Variants in PFKP observed in about 807,000 individuals in gnomAD.
PFKP encodes ATP-dependent 6-phosphofructokinase, platelet type.
Under a neutral mutation model 94.3 loss-of-function variants are expected in PFKP, and 101 were observed. The observed-to-expected ratio is 1.07, with a 90% CI of 0.91 to 1.26. PFKP has a LOEUF of 1.26. Among genes scored for constraint, PFKP ranks in the 50% most tolerant of loss-of-function variants. PFKP has a pLI of 0.00. For synonymous variants in PFKP, 573 were observed against 432.6 expected (o/e 1.32, Z -4.03); for missense variants, 1,145 against 1,103.3 (o/e 1.04, Z -0.53).
At chr10:3,128,213 C>G (rs1838166837) in intron 16 of PFKP, among the ~76,000 whole-genome samples, 1 of 152,188 alleles carries the variant, frequency 6.6e-6, no homozygotes, top group East Asian at 1.9e-4. Context: ...CTGGTGTAAG[C>G]CCAGCCCACA....
intron 4 of PFKP, among the ~76,000 whole-genome samples, chr10:3,102,834 C>T (rs1397222485): frequency 5.3e-5 from 8 of 152,248 alleles, no homozygotes; most frequent in East Asian, 1.9e-4. Context: ...TGAACATCCT[C>T]GTAGGGGATG....
chr10:3,069,180 CCCCGCCCCGCAG>C (rs922396869), intron 1 of PFKP: 5 of 1,208,606 alleles, frequency 4.1e-6, no homozygotes, highest in Admixed American at 8.3e-5. Context: ...CAGCGCCAGG[CCCCGCCCCGCAG>C]CCCGCCCTGC....
At chr10:3,071,350 A>G (rs924451411) in intron 1 of PFKP, among the ~76,000 whole-genome samples, 1 of 150,044 alleles carries the variant, frequency 6.7e-6, no homozygotes, top group African/African-American at 2.5e-5. Flanking sequence ...TTGAATGAAG[A>G]AAGTATTTCT....
intron 2 of PFKP, among the ~76,000 whole-genome samples, 165 bp downstream of exon 2, chr10:3,082,626 C>T (rs1181713267): frequency 6.6e-6 from 1 of 152,218 alleles, no homozygotes; most frequent in Non-Finnish European, 1.5e-5. Flanking sequence ...CCCACAGAAG[C>T]CCCTGGTCTG....
At position 3,112,425 on chromosome 10, in the gene PFKP, C is replaced by T. The variant is rs369041404; in HGVS notation, c.1154+139C>T. The T allele has an allele frequency of 6.0e-5, 43 of 714,222 alleles. No homozygotes were observed. In the African/African-American group the frequency reaches 6.6e-4, roughly 11 times the overall value. The allele number at this position is 714,222 out of a possible 1,614,324, so 44.2% of individuals were successfully genotyped here. A position where few individuals can be genotyped will look rare whatever the true frequency, so the allele number is the denominator to read the frequency against. ...AAGTCAGGCAGTACTCACAGCACCG[C>T]TCTTGCAGTAGCAGGCCCTGGTGAC... On this transcript the variant is annotated intron_variant, in intron 11 of 21. Coordinates refer to ENST00000381125, the MANE Select transcript of PFKP (RefSeq NM_002627.5).
chr10:3,104,382 A>G (rs892463812), intron 5 of PFKP, among the ~76,000 whole-genome samples: 1 of 152,218 alleles, frequency 6.6e-6, no homozygotes, highest in Non-Finnish European at 1.5e-5. Context: ...TCAGCAGGTT[A>G]TCACTAAAGA....
chr10:3,070,086 C>T (rs1832071810), intron 1 of PFKP, among the ~76,000 whole-genome samples: 1 of 152,262 alleles, frequency 6.6e-6, no homozygotes, highest in African/African-American at 2.4e-5. Context: ...CCACATGGGT[C>T]ACACCTGGGC....
At chr10:3,107,946 G>A in intron 8 of PFKP, 1 of 1,289,680 alleles carries the variant, frequency 7.8e-7, no homozygotes, top group Non-Finnish European at 1.0e-6. Context: ...GCAGCCACGG[G>A]GCAGAAGACG....
Position 3,120,372 on chromosome 10 carries a change from TGTGTG to T in PFKP, c.1683+329_1683+333del, listed in dbSNP as rs1564336720. On this transcript the variant is annotated intron_variant, in intron 16 of 21. Transcript: ENST00000381125. ...ATTGTACCAGCATTAAAAATCGCTG[TGTGTG>T]TGTGTGTGTGTGTGTGTGTGTGCTG... Among the ~76,000 whole-genome samples, 617 of 125,894 alleles carry T rather than the reference TGTGTG, an allele frequency of 4.9e-3. 4 individuals carry two copies. The highest frequency in any genetic ancestry group is 0.016 in the African/African-American group (507 of 31,914). The allele number at this position is 125,894 out of a possible 152,430, so 82.6% of individuals were successfully genotyped here. A position where few individuals can be genotyped will look rare whatever the true frequency, so the allele number is the denominator to read the frequency against.
chr10:3,103,749 G>A (rs771932993), intron 4 of PFKP, 30 bp from the exon 5 acceptor site: 17 of 1,611,942 alleles, frequency 1.1e-5, no homozygotes, highest in Middle Eastern at 1.7e-4. Flanking sequence ...TGGTTACGGC[G>A]ATGAGACGTG....
At chr10:3,118,190 T>A (rs1397955672) in intron 14 of PFKP, among the ~76,000 whole-genome samples, 1 of 152,186 alleles carries the variant, frequency 6.6e-6, no homozygotes, top group African/African-American at 2.4e-5. Context: ...AAACAATTAT[T>A]GGGCACGGCG....
intron 2 of PFKP, among the ~76,000 whole-genome samples, chr10:3,084,850 C>A (rs1182052415): frequency 1.4e-5 from 2 of 145,752 alleles, no homozygotes; most frequent in African/African-American, 2.5e-5. Flanking sequence ...TCCTCCACCC[C>A]CTCCCCAGCA....
rs993980849 is a variant in PFKP at position 3,067,810 on chromosome 10, T to TG, written c.112+110dup. On this transcript the variant is annotated intron_variant, in intron 1 of 21. Transcript: ENST00000381125. ...ACCGGAGAGAAGAGGGGGGAAGCGA[T>TG]GGGGGGGACCCGGGGAAAGGTGGCG... 3.4e-4 allele frequency: 80 copies of TG among 233,798 alleles called. 1 individual carries two copies. The highest frequency in any genetic ancestry group is 1.2e-4 in the Non-Finnish European group (16 of 134,584). The allele number at this position is 233,798 out of a possible 1,614,324, so 14.5% of individuals were successfully genotyped here. A position where few individuals can be genotyped will look rare whatever the true frequency, so the allele number is the denominator to read the frequency against.
intron 3 of PFKP, chr10:3,100,801 G>GAC: frequency 1.7e-6 from 1 of 594,792 alleles, no homozygotes; most frequent in East Asian, 2.7e-5. Flanking sequence ...TGGAAGTTTG[G>GAC]ATGAAAGAAT....
intron 1 of PFKP, among the ~76,000 whole-genome samples, chr10:3,074,486 G>C (rs980646566): frequency 6.6e-6 from 1 of 152,202 alleles, no homozygotes; most frequent in South Asian, 2.1e-4. Flanking sequence ...TTTGTGGAGA[G>C]GAGAGGAGGG....
Position 3,136,687 on chromosome 10 carries a change from A to G in PFKP, c.*108A>G. ...CACGTATTATTGACATTAATACCTA[A>G]TCGGCGAGTGCCCATCTGCCCCACC... is the stretch of plus-strand genomic sequence containing the variant. On this transcript the variant is annotated 3_prime_UTR_variant, in exon 22 of 22. Transcript: ENST00000381125. 8.1e-7 allele frequency: 1 copy of G among 1,237,766 alleles called. No homozygotes were observed. Among genetic ancestry groups the G allele is most frequent in the Non-Finnish European group, 1.1e-6 (1 of 885,606 alleles). The allele number at this position is 1,237,766 out of a possible 1,614,324, so 76.7% of individuals were successfully genotyped here.
Position 3,135,760 on chromosome 10 carries a change from CCA to C in PFKP, c.2148_2149del (p.Ile717LeufsTer25). 1 of 1,611,966 alleles carries C rather than the reference CCA, an allele frequency of 6.2e-7. No individual in the cohort carries two copies. The highest frequency in any genetic ancestry group is 8.5e-7 in the Non-Finnish European group (1 of 1,178,290). On this transcript the variant is annotated frameshift_variant, in exon 21 of 22. Transcript: ENST00000381125. LOFTEE classifies it high-confidence loss of function. ...GGAAAAAAATTTACCACCGATGATT[CCA>C]TTTGTGTGCTGGGAATAAGCAAAAG...
At chr10:3,094,624 A>G (rs1463549413) in intron 2 of PFKP, among the ~76,000 whole-genome samples, 1 of 152,094 alleles carries the variant, frequency 6.6e-6, no homozygotes, top group African/African-American at 2.4e-5. Context: ...AATTTCCTAG[A>G]GACAGGATAA....
rs887723444 is a variant in PFKP at position 3,120,097 on chromosome 10, G to A, written c.1683+53G>A. On this transcript the variant is annotated intron_variant, in intron 16 of 21. Coordinates refer to ENST00000381125, the MANE Select transcript of PFKP (RefSeq NM_002627.5). ...GGCGCCGGCTGACGCTAACCCCGGG[G>A]CCCCGGCCCTTTTTATCTACCAGTG... The A allele has an allele frequency of 1.0e-5, 16 of 1,560,986 alleles. No homozygotes were observed. The African/African-American group carries it at 1.5e-4, about 15-fold the overall frequency.
Sources: gnomAD v4.1 joint callset for allele counts (sites outside exome capture counted in the v4.1 genomes callset) on GRCh38, gnomAD v4.1.1 for gene constraint, MANE v1.5 for transcripts, NCBI Gene and HGNC (gene_info 2026-07-23, HGNC 2026-07-21) for gene names.